The following MED12L variants were observed in gnomAD, a reference collection of about 807,000 sequenced individuals.
MED12L encodes mediator complex subunit 12L.
A neutral mutation model predicts 281.3 loss-of-function variants in MED12L; 60 were observed. That is an observed-to-expected ratio of 0.21 (90% CI 0.17 to 0.26). The LOEUF (loss-of-function observed/expected upper bound fraction) is 0.26. Ranked by LOEUF, MED12L falls within the 10% of genes least tolerant of loss-of-function variation. MED12L has a pLI of 1.00. For missense variants in MED12L, 2,146 were observed against 2,680.9 expected (o/e 0.80, Z 4.41); for synonymous variants, 974 against 987.2 (o/e 0.99, Z 0.25).
At chr3:151,250,215 C>G (rs992577359) in intron 16 of MED12L, among the ~76,000 whole-genome samples, 1 of 152,162 alleles carries the variant, frequency 6.6e-6, no homozygotes, top group Non-Finnish European at 1.5e-5. Context: ...ATTGCACATT[C>G]CTCAATCCAA....
At chr3:151,153,992 A>C (rs1718931885) in intron 5 of MED12L, among the ~76,000 whole-genome samples, 1 of 152,018 alleles carries the variant, frequency 6.6e-6, no homozygotes, top group South Asian at 2.1e-4. Context: ...TCTGCTGTGC[A>C]CTCAGGGCTG....
At chr3:151,342,068 C>T (rs954075384) in intron 16 of MED12L, among the ~76,000 whole-genome samples, 1 of 152,108 alleles carries the variant, frequency 6.6e-6, no homozygotes, top group Non-Finnish European at 1.5e-5. Flanking sequence ...AGCAGCATGA[C>T]TTATAATCCT....
intron 16 of MED12L, chr3:151,212,697 A>T (rs548639619): frequency 1.3e-5 from 2 of 152,082 alleles, no homozygotes; most frequent in Non-Finnish European, 2.9e-5. Flanking sequence ...TTTTCTTGCT[A>T]AGTATACAAT....
chr3:151,295,084 C>T (rs1744901381), intron 16 of MED12L: 8 of 1,613,518 alleles, frequency 5.0e-6, no homozygotes, highest in Non-Finnish European at 6.8e-6. Flanking sequence ...AGATGCTTGC[C>T]ACAAATATAA....
At chr3:151,321,815 A>G (rs1451979376) in intron 16 of MED12L, among the ~76,000 whole-genome samples, 1 of 151,822 alleles carries the variant, frequency 6.6e-6, no homozygotes, top group African/African-American at 2.4e-5. Flanking sequence ...TTTCCCTTTT[A>G]TCACTCCCCC....
chr3:151,274,422 C>A (rs1373069594), intron 16 of MED12L, among the ~76,000 whole-genome samples: 1 of 152,116 alleles, frequency 6.6e-6, no homozygotes, highest in Non-Finnish European at 1.5e-5. Context: ...AAAGGTAGTG[C>A]TTATAGGCAT....
chr3:151,306,676 G>C (rs1746705252), intron 16 of MED12L, among the ~76,000 whole-genome samples: 1 of 152,178 alleles, frequency 6.6e-6, no homozygotes, highest in African/African-American at 2.4e-5. Flanking sequence ...TACCACGCCG[G>C]GGGAAACTCT....
chr3:151,143,413 A>G (rs1444142649), intron 5 of MED12L, among the ~76,000 whole-genome samples: 1 of 152,254 alleles, frequency 6.6e-6, no homozygotes, highest in African/African-American at 2.4e-5. Flanking sequence ...GCAAAGTGAA[A>G]AAAGAAAATG....
intron 16 of MED12L, chr3:151,213,151 G>A (rs536141300): frequency 1.7e-6 from 1 of 605,870 alleles, no homozygotes; most frequent in African/African-American, 1.9e-5. Flanking sequence ...AAAAAGCATG[G>A]AAACTTATAT....
chr3:151,188,834 AG>A (rs1165834328), intron 13 of MED12L, among the ~76,000 whole-genome samples: 1 of 152,146 alleles, frequency 6.6e-6, no homozygotes, highest in Admixed American at 6.5e-5. Flanking sequence ...ACATGGGAGT[AG>A]GGGGGAATCA....
intron 2 of MED12L, among the ~76,000 whole-genome samples, chr3:151,110,724 T>C (rs747933468): frequency 1.3e-4 from 20 of 152,204 alleles, no homozygotes; most frequent in Non-Finnish European, 2.8e-4. Flanking sequence ...GTGAAAACTT[T>C]ATACGCTTGG....
At chr3:151,286,017 G>A (rs1743456270) in intron 16 of MED12L, among the ~76,000 whole-genome samples, 1 of 152,222 alleles carries the variant, frequency 6.6e-6, no homozygotes, top group South Asian at 2.1e-4. Context: ...TAAGAGAGGT[G>A]AGTTGTATGA....
At chr3:151,334,425 GT>G (rs1188264338) in intron 16 of MED12L, among the ~76,000 whole-genome samples, 21 of 143,210 alleles carry the variant, frequency 1.5e-4, no homozygotes, top group Admixed American at 2.1e-4. Flanking sequence ...AGAGAGTTGT[GT>G]TTTTTTTTTT....
At chr3:151,199,561 C>A in intron 16 of MED12L, 2 of 593,790 alleles carry the variant, frequency 3.4e-6, no homozygotes, top group Non-Finnish European at 5.9e-6. Flanking sequence ...GGTGAACTTA[C>A]CAGACCATAT....
At position 151,165,856 on chromosome 3, in the gene MED12L, T is replaced by C; in HGVS notation, c.1368T>C (p.Ile456=). The C allele has an allele frequency of 6.2e-7, 1 of 1,613,504 alleles. No homozygotes were observed. Among genetic ancestry groups the C allele is most frequent in the Non-Finnish European group, 8.5e-7 (1 of 1,179,862 alleles). ...AATTTCTGCCTATAGGGGTGACTAT[T>C]AGTCGGGTTTTGCACACGTTGGAAG... is the stretch of plus-strand genomic sequence containing the variant. The part of the protein sequence containing the change: ...KCQESTAGVT[I]SRVLHTLEVL... The change falls in exon 11 of 45, where the codon ATT becomes ATC. Residue 456 remains isoleucine, a synonymous_variant. Coordinates refer to ENST00000687756, the MANE Select transcript of MED12L (RefSeq NM_001393769.1).
intron 16 of MED12L, among the ~76,000 whole-genome samples, chr3:151,297,341 G>C (rs1447177150): frequency 6.6e-6 from 1 of 152,142 alleles, no homozygotes; most frequent in Non-Finnish European, 1.5e-5. Context: ...CTTTAACTGA[G>C]TTAAGATGTC....
chr3:151,339,701 C>T (rs1330386018), intron 16 of MED12L, among the ~76,000 whole-genome samples: 2 of 151,648 alleles, frequency 1.3e-5, no homozygotes, highest in Non-Finnish European at 2.9e-5. Context: ...GTTGGCATTC[C>T]TCAAAACAGG....
At chr3:151,424,649 A>C (rs1718662719) in intron 43 of MED12L, among the ~76,000 whole-genome samples, 1 of 152,094 alleles carries the variant, frequency 6.6e-6, no homozygotes, top group African/African-American at 2.4e-5. Context: ...CAAAACAAAA[A>C]AACTCTATGC....
At chr3:151,392,151 G>A (rs536614727) in intron 38 of MED12L, among the ~76,000 whole-genome samples, 4 of 152,140 alleles carry the variant, frequency 2.6e-5, no homozygotes, top group African/African-American at 7.2e-5. Context: ...GGAACTTTAG[G>A]TGTGAGATGG....
Sources: allele counts gnomAD v4.1 joint callset (sites outside exome capture counted in the v4.1 genomes callset), GRCh38; gene constraint gnomAD v4.1.1; transcripts MANE v1.5; gene names NCBI Gene and HGNC (gene_info 2026-07-23, HGNC 2026-07-21).